UNC5D: variants seen among roughly 807,000 people sequenced by gnomAD.
The protein encoded by UNC5D is unc-5 netrin receptor D.
UNC5D carries 39 observed loss-of-function variants against 105.4 expected under a neutral mutation model. That is an observed-to-expected ratio of 0.37 (90% CI 0.29 to 0.48). The LOEUF is 0.48. UNC5D is among the 20% of genes least tolerant of loss of function. UNC5D has a pLI of 0.98. For synonymous variants in UNC5D, 452 were observed against 450.4 expected (o/e 1.00, Z -0.04); for missense variants, 991 against 1,202.4 (o/e 0.82, Z 2.60).
intron 8 of UNC5D, among the ~76,000 whole-genome samples, chr8:35,710,354 C>T (rs1200001982): frequency 6.6e-6 from 1 of 152,084 alleles, no homozygotes; most frequent in Non-Finnish European, 1.5e-5. Flanking sequence ...TTTGGCTATG[C>T]AACTGGAAGA....
intron 1 of UNC5D, among the ~76,000 whole-genome samples, chr8:35,407,650 A>G (rs1188350345): frequency 6.6e-6 from 1 of 152,042 alleles, no homozygotes; most frequent in Admixed American, 6.6e-5. Context: ...TCTTAACCCT[A>G]GTACCCATTA....
chr8:35,562,440 C>T lies in UNC5D; in HGVS notation c.323-5658C>T, dbSNP rs1042761084. ...CTTCTATAGTGACTATATTAATTTA[C>T]ATCCCCAAAAATGGTGTATGAGGGT... On this transcript the variant is annotated intron_variant, in intron 2 of 16. Transcript: ENST00000404895. 8.5e-5 allele frequency among the ~76,000 whole-genome samples: 13 copies of T among 152,076 alleles called. No individual in the cohort carries two copies. The South Asian group carries it at 1.4e-3, about 17-fold the overall frequency.
intron 1 of UNC5D, among the ~76,000 whole-genome samples, chr8:35,314,173 A>T (rs1809108070): frequency 6.6e-6 from 1 of 152,208 alleles, no homozygotes; most frequent in Non-Finnish European, 1.5e-5. Context: ...AAAGCAAGCG[A>T]TTCCAAACTG....
At chr8:35,262,485 TA>T (rs1563259506) in intron 1 of UNC5D, among the ~76,000 whole-genome samples, 1 of 152,162 alleles carries the variant, frequency 6.6e-6, no homozygotes, top group Non-Finnish European at 1.5e-5. Context: ...AAACCAGCTT[TA>T]AAAAAACAAA....
intron 13 of UNC5D, among the ~76,000 whole-genome samples, chr8:35,758,807 A>G (rs1382853692): frequency 5.3e-5 from 8 of 152,262 alleles, no homozygotes; most frequent in African/African-American, 1.9e-4. Context: ...ATTACTACAA[A>G]TAAACATGAT....
chr8:35,251,211 G>A (rs1281673267), intron 1 of UNC5D, among the ~76,000 whole-genome samples: 1 of 152,112 alleles, frequency 6.6e-6, no homozygotes, highest in Non-Finnish European at 1.5e-5. Context: ...ATATTTAATT[G>A]ACTCACAGTT....
chr8:35,751,199 T>G (rs770226473), intron 13 of UNC5D, among the ~76,000 whole-genome samples: 2 of 152,122 alleles, frequency 1.3e-5, no homozygotes, highest in South Asian at 2.1e-4. Flanking sequence ...AGTCAGTTCC[T>G]GGGTCGGGGC....
At chr8:35,473,286 A>C (rs1277056260) in intron 1 of UNC5D, among the ~76,000 whole-genome samples, 1 of 152,196 alleles carries the variant, frequency 6.6e-6, no homozygotes, top group Admixed American at 6.5e-5. Context: ...CAGTTAAAAA[A>C]GGCTATTGCA....
chr8:35,643,134 T>TG (rs1041795265), intron 4 of UNC5D, among the ~76,000 whole-genome samples: 32 of 152,184 alleles, frequency 2.1e-4, no homozygotes, highest in African/African-American at 6.5e-4. Context: ...GTCTTTGTTG[T>TG]GGGGGGGCTG....
At chr8:35,699,796 TG>T (rs1180089181) in intron 7 of UNC5D, among the ~76,000 whole-genome samples, 5 of 152,178 alleles carry the variant, frequency 3.3e-5, no homozygotes, top group African/African-American at 1.2e-4. Context: ...ATATGGTCTC[TG>T]AAGGGTCATT....
intron 1 of UNC5D, among the ~76,000 whole-genome samples, chr8:35,471,951 T>C (rs148241825): frequency 6.6e-6 from 1 of 151,254 alleles, no homozygotes; most frequent in East Asian, 1.9e-4. Context: ...TAAGCAGATA[T>C]CTCAGTGTTT....
chr8:35,584,931 A>G (rs948181706), intron 3 of UNC5D, among the ~76,000 whole-genome samples: 2 of 152,186 alleles, frequency 1.3e-5, no homozygotes, highest in Non-Finnish European at 1.5e-5. Context: ...TGGAATATGA[A>G]TGATTTTTGT....
chr8:35,700,577 C>T (rs1827122042), intron 7 of UNC5D, among the ~76,000 whole-genome samples: 1 of 152,198 alleles, frequency 6.6e-6, no homozygotes, highest in South Asian at 2.1e-4. Flanking sequence ...AATCAGAAAT[C>T]CATCTGTGCC....
intron 4 of UNC5D, among the ~76,000 whole-genome samples, chr8:35,641,880 C>A (rs1490800523): frequency 6.6e-6 from 1 of 152,132 alleles, no homozygotes; most frequent in East Asian, 1.9e-4. Flanking sequence ...AGGGCTGGCA[C>A]AATTATAGCT....
At chr8:35,757,872 A>G (rs557683245) in intron 13 of UNC5D, among the ~76,000 whole-genome samples, 5 of 152,314 alleles carry the variant, frequency 3.3e-5, no homozygotes, top group African/African-American at 9.6e-5. Flanking sequence ...GAAATCCACA[A>G]GGTTATGAAT....
At chr8:35,570,496 A>G (rs887541924) in intron 3 of UNC5D, among the ~76,000 whole-genome samples, 2 of 152,350 alleles carry the variant, frequency 1.3e-5, no homozygotes, top group South Asian at 2.1e-4. Flanking sequence ...CTCCACCACC[A>G]TCTTTCATTT....
At chr8:35,364,707 T>C (rs1052584759) in intron 1 of UNC5D, among the ~76,000 whole-genome samples, 1 of 152,200 alleles carries the variant, frequency 6.6e-6, no homozygotes, top group African/African-American at 2.4e-5. Context: ...TATCAGTATA[T>C]ATACTAAAAT....
At chr8:35,477,218 G>A (rs1034131314) in intron 1 of UNC5D, among the ~76,000 whole-genome samples, 17 of 152,100 alleles carry the variant, frequency 1.1e-4, no homozygotes, top group African/African-American at 3.4e-4. Context: ...ACGTGTTCAA[G>A]CCTTAGAATG....
chr8:35,369,633 G>A (rs1376758286), intron 1 of UNC5D, among the ~76,000 whole-genome samples: 1 of 152,098 alleles, frequency 6.6e-6, no homozygotes, highest in Non-Finnish European at 1.5e-5. Context: ...TGTGTCCTGT[G>A]GAGCTCTTTT....
Sources: allele counts gnomAD v4.1 joint callset (sites outside exome capture counted in the v4.1 genomes callset), GRCh38; gene constraint gnomAD v4.1.1; transcripts MANE v1.5; gene names NCBI Gene and HGNC (gene_info 2026-07-23, HGNC 2026-07-21).